Variants in DLG2 observed in about 807,000 individuals in gnomAD.
DLG2 encodes the protein disks large homolog 2.
In DLG2, 45 loss-of-function variants were observed where a neutral mutation model predicts 132.5. That is an observed-to-expected ratio of 0.34 (90% CI 0.27 to 0.44). DLG2 has a LOEUF of 0.44. Among genes scored for constraint, DLG2 ranks in the 20% least tolerant of loss-of-function variants. DLG2 has a pLI of 1.00. For missense variants in DLG2, 1,045 were observed against 1,196.9 expected, an observed-to-expected ratio of 0.87 and a Z score of 1.87; for synonymous variants, 424 against 419.6, an observed-to-expected ratio of 1.01 and a Z score of -0.13.
chr11:83,941,838 G>A (rs2082734196), intron 14 of DLG2, among the ~76,000 whole-genome samples: 1 of 152,050 alleles, frequency 6.6e-6, no homozygotes, highest in Non-Finnish European at 1.5e-5. Context: ...TAAAATAAAA[G>A]TTGCTCATAT....
At chr11:85,019,624 C>T (rs925137090) in intron 6 of DLG2, among the ~76,000 whole-genome samples, 4 of 152,056 alleles carry the variant, frequency 2.6e-5, no homozygotes, top group Admixed American at 1.3e-4. Flanking sequence ...CCCCTCTCCA[C>T]CCACCCCACA....
At chr11:84,260,946 T>G (rs990376897) in intron 7 of DLG2, among the ~76,000 whole-genome samples, 1 of 152,220 alleles carries the variant, frequency 6.6e-6, no homozygotes, top group African/African-American at 2.4e-5. Context: ...GTTTAGTCAA[T>G]GTGCCCCATG....
At chr11:84,476,820 A>C (rs976888079) in intron 7 of DLG2, among the ~76,000 whole-genome samples, 1 of 152,168 alleles carries the variant, frequency 6.6e-6, no homozygotes, top group African/African-American at 2.4e-5. Flanking sequence ...ATGAACCAGC[A>C]GATGATTCCA....
At chr11:83,870,611 C>A (rs1347589570) in intron 16 of DLG2, among the ~76,000 whole-genome samples, 1 of 152,166 alleles carries the variant, frequency 6.6e-6, no homozygotes, top group African/African-American at 2.4e-5. Context: ...GTGAAGGGCT[C>A]AGCTGTGGGG....
At chr11:83,645,909 G>A (rs2068018560) in intron 18 of DLG2, 1 of 152,096 alleles carries the variant, frequency 6.6e-6, no homozygotes, top group Admixed American at 6.6e-5. Flanking sequence ...TGAATTTTGT[G>A]GGACTTGCTC....
At chr11:84,518,421 G>C (rs2099280180) in intron 7 of DLG2, among the ~76,000 whole-genome samples, 1 of 151,978 alleles carries the variant, frequency 6.6e-6, no homozygotes, top group Non-Finnish European at 1.5e-5. Context: ...AATGCCGAAT[G>C]ATATACCTAG....
intron 6 of DLG2, among the ~76,000 whole-genome samples, chr11:84,934,708 A>G (rs1040721517): frequency 1.3e-5 from 2 of 151,678 alleles, no homozygotes; most frequent in African/African-American, 4.8e-5. Flanking sequence ...TGAACCAGAA[A>G]GAAATTGAAT....
intron 3 of DLG2, among the ~76,000 whole-genome samples, chr11:85,444,231 G>A (rs1341067832): frequency 4.6e-5 from 7 of 151,936 alleles, no homozygotes; most frequent in African/African-American, 1.7e-4. Context: ...CATAATTCAA[G>A]AAATCTAAAA....
At chr11:83,638,536 A>G (rs1208760150) in intron 18 of DLG2, among the ~76,000 whole-genome samples, 1 of 152,144 alleles carries the variant, frequency 6.6e-6, no homozygotes, top group Non-Finnish European at 1.5e-5. Context: ...TTCATCACCT[A>G]TTCTTGTTCA....
intron 4 of DLG2, among the ~76,000 whole-genome samples, chr11:85,189,390 T>G (rs1186005364): frequency 6.6e-6 from 1 of 152,222 alleles, no homozygotes; most frequent in African/African-American, 2.4e-5. Context: ...GCTGTATCTA[T>G]TCAATGGAAT....
chr11:83,601,716 G>A (rs947597043), intron 19 of DLG2, among the ~76,000 whole-genome samples: 2 of 151,060 alleles, frequency 1.3e-5, no homozygotes, highest in African/African-American at 4.9e-5. Context: ...TTTTGGTAGA[G>A]ATAGGGTTTC....
chr11:83,682,557 C>A, intron 18 of DLG2: 1 of 614,542 alleles, frequency 1.6e-6, no homozygotes, highest in Non-Finnish European at 2.0e-6. Flanking sequence ...TAAGGTGGAT[C>A]CACCCAGCTC....
At chr11:85,205,997 G>A (rs2081861907) in intron 4 of DLG2, among the ~76,000 whole-genome samples, 1 of 152,126 alleles carries the variant, frequency 6.6e-6, no homozygotes, top group South Asian at 2.1e-4. Flanking sequence ...ATGTGGAATT[G>A]TAATCCCCAG....
chr11:83,732,360 T>G (rs1042115692), intron 18 of DLG2, among the ~76,000 whole-genome samples: 3 of 152,214 alleles, frequency 2.0e-5, no homozygotes, highest in Non-Finnish European at 4.4e-5. Flanking sequence ...TCAACTATTC[T>G]TAAATGTCTC....
At chr11:84,317,314 C>T (rs758842503) in intron 7 of DLG2, 225 of 1,433,630 alleles carry the variant, frequency 1.6e-4, no homozygotes, top group Admixed American at 9.4e-4. Context: ...GGAGCAGCGA[C>T]AGCAGCTCCG....
Position 85,598,698 on chromosome 11 carries a change from AC to A in DLG2, c.-3del. The A allele has an allele frequency of 6.3e-7, 1 of 1,578,162 alleles. No individual in the cohort carries two copies. Among genetic ancestry groups the A allele is most frequent in the Non-Finnish European group, 8.6e-7 (1 of 1,164,792 alleles). The stretch of plus-strand genomic sequence containing the variant: ...TAAGCTGCTCTTAAAGATACCCATC[AC>A]CTTTTTAACCGCATTTTTCAACAGC... On this transcript the variant is annotated 5_prime_UTR_variant, in exon 3 of 28. Coordinates refer to ENST00000376104, the MANE Select transcript of DLG2 (RefSeq NM_001142699.3).
At chr11:84,223,581 G>A (rs2096946937) in intron 8 of DLG2, among the ~76,000 whole-genome samples, 1 of 146,234 alleles carries the variant, frequency 6.8e-6, no homozygotes, top group South Asian at 2.1e-4. Flanking sequence ...TTTTGAGGCA[G>A]AGTCTCACTC....
chr11:85,616,438 C>T (rs2081344675), intron 2 of DLG2, among the ~76,000 whole-genome samples: 1 of 152,116 alleles, frequency 6.6e-6, no homozygotes, highest in African/African-American at 2.4e-5. Context: ...GAGATTGGTA[C>T]TTTGAGATAT....
intron 26 of DLG2, 111 bp downstream of exon 26, chr11:83,466,597 C>A (rs1180263914): frequency 1.7e-6 from 1 of 588,566 alleles, no homozygotes; most frequent in Non-Finnish European, 3.1e-6. Context: ...GAAAAATCAA[C>A]AATGGCATTT....
Sources: gnomAD v4.1 joint callset for allele counts (sites outside exome capture counted in the v4.1 genomes callset) on GRCh38, gnomAD v4.1.1 for gene constraint, MANE v1.5 for transcripts, NCBI Gene and HGNC (gene_info 2026-07-23, HGNC 2026-07-21) for gene names.